Variants in EPHB3 observed in about 807,000 individuals in gnomAD.
EPHB3 encodes ephrin type-B receptor 3.
EPHB3 carries 33 observed loss-of-function variants against 100.2 expected under a neutral mutation model. The ratio of observed to expected loss-of-function variants is 0.33; its 90% CI spans 0.25 to 0.44. The LOEUF (loss-of-function observed/expected upper bound fraction) is 0.44, where lower values mean the gene tolerates loss of function less well. Ranked by LOEUF, EPHB3 falls within the 20% of genes least tolerant of loss-of-function variation. The probability of loss-of-function intolerance (pLI) is 1.00; values close to 1 mark genes in which losing one functional copy is unlikely to be tolerated. For synonymous variants in EPHB3, 526 were observed against 554.7 expected (o/e 0.95, Z 0.73); for missense variants, 1,045 against 1,378.3 (o/e 0.76, Z 3.83).
In EPHB3 at chr3:184,582,054, C is replaced by T. The variant is rs1329282185; in HGVS notation, c.*432C>T. 1.2e-5 allele frequency: 2 copies of T among 161,040 alleles called. No homozygotes were observed. Among genetic ancestry groups the T allele is most frequent in the South Asian group, 3.8e-4 (2 of 5,326 alleles). The allele number at this position is 161,040 out of a possible 1,614,324, so 10.0% of individuals were successfully genotyped here. A position where few individuals can be genotyped will look rare whatever the true frequency, so the allele number is the denominator to read the frequency against. On this transcript the variant is annotated 3_prime_UTR_variant, in exon 16 of 16. Coordinates refer to ENST00000330394, the MANE Select transcript of EPHB3 (RefSeq NM_004443.4). Reference sequence around the variant, plus strand: ...CCCTCAGGAACTGGAGGAGGGGACTCCAGGAATGGGGAAATGTGACACCAC... The same window carrying T: ...CCCTCAGGAACTGGAGGAGGGGACTTCAGGAATGGGGAAATGTGACACCAC...
chr3:184,574,545 G>C (rs1714626189), intron 3 of EPHB3, among the ~76,000 whole-genome samples: 1 of 152,228 alleles, frequency 6.6e-6, no homozygotes, highest in Non-Finnish European at 1.5e-5. Context: ...CTTCCTTGGG[G>C]CTTGCAGCCT....
In EPHB3 at chr3:184,579,234, A is replaced by G. The variant is rs1033088327; in HGVS notation, c.1802-243A>G. On this transcript the variant is annotated intron_variant, in intron 9 of 15. Transcript: ENST00000330394. The surrounding 1 kb of genome is among the most constrained non-coding windows in gnomAD (Gnocchi z 5.2). ...GGACAAGGTCGGGGCAGTGGGAACC[A>G]GGGGAGGCATGAATCTGAGAGAGGT... Among the ~76,000 whole-genome samples, 2 of 152,186 alleles carry G rather than the reference A, an allele frequency of 1.3e-5. No homozygotes were observed. The highest frequency in any genetic ancestry group is 6.5e-5 in the Admixed American group (1 of 15,282).
chr3:184,562,752 G>A lies in EPHB3; in HGVS notation c.118+399G>A, dbSNP rs1457105333. On this transcript the variant is annotated intron_variant, in intron 1 of 15. Coordinates refer to ENST00000330394, the MANE Select transcript of EPHB3 (RefSeq NM_004443.4). The surrounding 1 kb of genome is among the most constrained non-coding windows in gnomAD (Gnocchi z 4.8). ...CGGGGCTGTGGCGGGTGGGGGCGAA[G>A]CGGGACTCCCCGGGTTGGGGGGCGC... Among the ~76,000 whole-genome samples the A allele has an allele frequency of 2.0e-5, 3 of 152,184 alleles. No homozygotes were observed. The highest frequency in any genetic ancestry group is 7.2e-5 in the African/African-American group (3 of 41,460).
chr3:184,566,659 C>T (rs540052430), intron 1 of EPHB3, among the ~76,000 whole-genome samples: 18 of 152,208 alleles, frequency 1.2e-4, no homozygotes, highest in African/African-American at 4.1e-4. Context: ...GTGTCCAACT[C>T]GGGTGGCATA....
At chr3:184,566,044 GA>G (rs1714377206) in intron 1 of EPHB3, among the ~76,000 whole-genome samples, 3 of 152,224 alleles carry the variant, frequency 2.0e-5, no homozygotes, top group Admixed American at 2.0e-4. Flanking sequence ...GTGAAGGGTG[GA>G]GGGAGACTGG....
Position 184,572,820 on chromosome 3 carries a change from C to T in EPHB3, c.500C>T (p.Ser167Leu). Residue 167 changes from serine to leucine, a missense_variant, in exon 3 of 16, where the codon TCG (serine) becomes TTG (leucine). Ser to Leu is a moderately radical substitution (Grantham distance 145). Coordinates refer to ENST00000330394, the MANE Select transcript of EPHB3 (RefSeq NM_004443.4). The surrounding 1 kb of genome is among the most constrained non-coding windows in gnomAD (Gnocchi z 6.6). ...ACCATTGCACCCGATGAGAGCTTCT[C>T]GCGGCTGGATGCCGGCCGTGTCAAC... The part of the protein sequence containing the change: ...VDTIAPDESF[S>L]RLDAGRVNTK... 5 of 1,574,790 alleles carry T rather than the reference C, an allele frequency of 3.2e-6. No individual in the cohort carries two copies. The highest frequency in any genetic ancestry group is 1.2e-5 in the South Asian group (1 of 85,394).
rs560375597 is a variant in EPHB3, at chr3:184,563,439, G to A, written c.118+1086G>A. ...TTTCTTAGTTTAGGAACGAAAACAC[G>A]AACTCTGTGGAACTTGGCTTGTTCT... On this transcript the variant is annotated intron_variant, in intron 1 of 15. Transcript: ENST00000330394. This position sits in a 1 kb window ranked among gnomAD's most constrained non-coding sequence, Gnocchi z 4.1. 8.5e-4 allele frequency among the ~76,000 whole-genome samples: 129 copies of A among 152,276 alleles called. No individual in the cohort carries two copies. The highest frequency in any genetic ancestry group is 1.6e-3 in the Non-Finnish European group (111 of 68,016).
At chr3:184,567,144 G>A (rs1714403988) in intron 1 of EPHB3, among the ~76,000 whole-genome samples, 1 of 152,176 alleles carries the variant, frequency 6.6e-6, no homozygotes, top group Non-Finnish European at 1.5e-5. Context: ...GCAGGGAAGT[G>A]GCTTGTTACT....
At chr3:184,570,905 G>A (rs578012475) in intron 1 of EPHB3, among the ~76,000 whole-genome samples, 1 of 152,018 alleles carries the variant, frequency 6.6e-6, no homozygotes, top group South Asian at 2.1e-4. Context: ...CAGGACTTGT[G>A]GAAAGTGGAG....
At position 184,571,826 on chromosome 3, in the gene EPHB3, A is replaced by G. The variant is rs1714546175; in HGVS notation, c.183+444A>G. Among the ~76,000 whole-genome samples the G allele has an allele frequency of 6.6e-6, 1 of 151,976 alleles. No individual in the cohort carries two copies. Among genetic ancestry groups the G allele is most frequent in the African/African-American group, 2.4e-5 (1 of 41,348 alleles). ...AATTCCCGCAGTCCGGACCTCTCTC[A>G]CATATTCTAATTAATCTCCCTAGAT... On this transcript the variant is annotated intron_variant, in intron 2 of 15. Transcript: ENST00000330394. This position sits in a 1 kb window ranked among gnomAD's most constrained non-coding sequence, Gnocchi z 5.0.
intron 3 of EPHB3, 66 bp from the exon 4 acceptor site, chr3:184,575,764 A>T (rs1714658446): frequency 6.6e-7 from 1 of 1,504,122 alleles, no homozygotes; most frequent in Non-Finnish European, 8.9e-7. Flanking sequence ...GTTCTCATGG[A>T]GCTGCGGAGG....
At position 184,577,525 on chromosome 3, in the gene EPHB3, C is replaced by A; in HGVS notation, c.1479+58C>A. 3.1e-6 allele frequency: 5 copies of A among 1,606,072 alleles called. No individual in the cohort carries two copies. Among genetic ancestry groups the A allele is most frequent in the Non-Finnish European group, 3.4e-6 (4 of 1,175,652 alleles). Reference sequence around the variant, plus strand: ...GGCTGAGCTGGGCTGAGAAAATTACCCCCGGATCATGATGGGGCCCTTGGG... The same window carrying A: ...GGCTGAGCTGGGCTGAGAAAATTACACCCGGATCATGATGGGGCCCTTGGG... On this transcript the variant is annotated intron_variant, in intron 6 of 15. Transcript: ENST00000330394. This position sits in a 1 kb window ranked among gnomAD's most constrained non-coding sequence, Gnocchi z 4.9.
chr3:184,576,312 C>G (rs567305428), intron 4 of EPHB3, among the ~76,000 whole-genome samples: 1 of 151,618 alleles, frequency 6.6e-6, no homozygotes, highest in South Asian at 2.1e-4. Context: ...AGTTGGCCTT[C>G]TAGTCCGTTG....
At position 184,573,832 on chromosome 3, in the gene EPHB3, C is replaced by T. The variant is rs1714603366; in HGVS notation, c.856+656C>T. Reference sequence around the variant, plus strand: ...TCCCAGGTTCAAACAATTCTCCTGCCTCAGCCTCCTGAGTAGTTGGGATTA... The same window carrying T: ...TCCCAGGTTCAAACAATTCTCCTGCTTCAGCCTCCTGAGTAGTTGGGATTA... On this transcript the variant is annotated intron_variant, in intron 3 of 15. Coordinates refer to ENST00000330394, the MANE Select transcript of EPHB3 (RefSeq NM_004443.4). The surrounding 1 kb of genome is among the most constrained non-coding windows in gnomAD (Gnocchi z 4.5). Among the ~76,000 whole-genome samples the T allele has an allele frequency of 6.6e-6, 1 of 152,004 alleles. No individual in the cohort carries two copies. The highest frequency in any genetic ancestry group is 1.9e-4 in the East Asian group (1 of 5,174).
In EPHB3 at chr3:184,562,287, C is replaced by T; in HGVS notation, c.52C>T (p.Pro18Ser). ...GCCGTCGCCGCCGCCGGGGCTTCTG[C>T]CGCTGCTCCCTCCGCTGCTGCTGCT... ...PPPSPPPGLL[P>S]LLPPLLLLPL... is the part of the protein sequence containing the mutation. The change falls in exon 1 of 16, where the codon CCG becomes TCG. Residue 18 changes from proline (P) to serine (S), a missense_variant. Physicochemically the swap from Pro to Ser is moderately conservative, Grantham distance 74. Coordinates refer to ENST00000330394, the MANE Select transcript of EPHB3 (RefSeq NM_004443.4). The surrounding 1 kb of genome is among the most constrained non-coding windows in gnomAD (Gnocchi z 4.8). 8.1e-7 allele frequency: 1 copy of T among 1,235,368 alleles called. No individual in the cohort carries two copies. 76.5% of individuals were successfully genotyped at this position (1,235,368 alleles called of 1,614,324 possible).
rs1353984317 is a variant in EPHB3 at position 184,569,251 on chromosome 3, G to T, written c.119-2067G>T. Among the ~76,000 whole-genome samples the T allele has an allele frequency of 6.6e-6, 1 of 151,960 alleles. No homozygotes were observed. The highest frequency in any genetic ancestry group is 1.5e-5 in the Non-Finnish European group (1 of 67,952). ...GGGGGCAGGGCGCGCTTGCTCTGCCGGCTCCCGGGACTGACACTCGCGCTG... is the reference window on the plus strand; with the variant it reads ...GGGGGCAGGGCGCGCTTGCTCTGCCTGCTCCCGGGACTGACACTCGCGCTG... On this transcript the variant is annotated intron_variant, in intron 1 of 15. Transcript: ENST00000330394. The surrounding 1 kb of genome is among the most constrained non-coding windows in gnomAD (Gnocchi z 5.4).
chr3:184,578,528 C>G lies in EPHB3; in HGVS notation c.1801+62C>G. On this transcript the variant is annotated intron_variant, in intron 9 of 15. Coordinates refer to ENST00000330394, the MANE Select transcript of EPHB3 (RefSeq NM_004443.4). This position sits in a 1 kb window ranked among gnomAD's most constrained non-coding sequence, Gnocchi z 4.7. ...AGCCCCCTGCAGGGCTCTCAGACACCCTTCTCCCTGCCTGGGACTTCATTC... is the reference window on the plus strand; with the variant it reads ...AGCCCCCTGCAGGGCTCTCAGACACGCTTCTCCCTGCCTGGGACTTCATTC... The G allele has an allele frequency of 1.9e-6, 3 of 1,603,612 alleles. No homozygotes were observed. The highest frequency in any genetic ancestry group is 2.6e-6 in the Non-Finnish European group (3 of 1,171,766).
rs1183622682 is a variant in EPHB3 at position 184,569,358 on chromosome 3, T to A, written c.119-1960T>A. Among the ~76,000 whole-genome samples, 1 of 151,962 alleles carries A rather than the reference T, an allele frequency of 6.6e-6. No homozygotes were observed. Among genetic ancestry groups the A allele is most frequent in the East Asian group, 1.9e-4 (1 of 5,138 alleles). ...CCGCGTCTCTCGGTCTCCCTGTCTT[T>A]GTAGTCAGCCGCCGGCCATCCCGGC... is the stretch of plus-strand genomic sequence containing the variant. On this transcript the variant is annotated intron_variant, in intron 1 of 15. Coordinates refer to ENST00000330394, the MANE Select transcript of EPHB3 (RefSeq NM_004443.4). This position sits in a 1 kb window ranked among gnomAD's most constrained non-coding sequence, Gnocchi z 5.4.
At chr3:184,574,577 T>C (rs573944738) in intron 3 of EPHB3, among the ~76,000 whole-genome samples, 1 of 152,354 alleles carries the variant, frequency 6.6e-6, no homozygotes, top group South Asian at 2.1e-4. Context: ...GGGTAGGTGA[T>C]GACTCTTATG....
Sources: allele counts gnomAD v4.1 joint callset (sites outside exome capture counted in the v4.1 genomes callset), GRCh38; gene constraint gnomAD v4.1.1; non-coding constraint Gnocchi (gnomAD v3.1); transcripts MANE v1.5; gene names NCBI Gene and HGNC (gene_info 2026-07-23, HGNC 2026-07-21).